The following CDK14 variants were observed in gnomAD, a reference collection of about 807,000 sequenced individuals.
CDK14 encodes cyclin dependent kinase 14.
CDK14 carries 34 observed loss-of-function variants against 60.7 expected under a neutral mutation model. The observed-to-expected ratio is 0.56, with a 90% CI of 0.43 to 0.75. The LOEUF (loss-of-function observed/expected upper bound fraction) is 0.75. CDK14 is among the 30% of genes least tolerant of loss of function. The pLI is 0.00. For missense variants in CDK14, 482 were observed against 564.1 expected (o/e 0.85, Z 1.47); for synonymous variants, 197 against 203.7 (o/e 0.97, Z 0.28).
chr7:91,075,178 AAC>A (rs1798263640), intron 11 of CDK14, among the ~76,000 whole-genome samples: 2 of 152,168 alleles, frequency 1.3e-5, no homozygotes, highest in Admixed American at 1.3e-4. Flanking sequence ...ACCAGGTGGA[AAC>A]ACACACAAAA....
intron 8 of CDK14, among the ~76,000 whole-genome samples, chr7:90,932,570 A>G (rs745990304): frequency 2.8e-4 from 42 of 152,198 alleles, no homozygotes; most frequent in Non-Finnish European, 5.9e-5. Flanking sequence ...CAGATTTACT[A>G]GATTAAGAAC....
chr7:91,117,653 C>A (rs1799649095), intron 13 of CDK14, among the ~76,000 whole-genome samples: 1 of 152,124 alleles, frequency 6.6e-6, no homozygotes, highest in East Asian at 1.9e-4. Context: ...CTGTCTCCCC[C>A]AAATGGACTC....
chr7:91,093,315 A>G (rs1798885878), intron 12 of CDK14, among the ~76,000 whole-genome samples: 1 of 152,218 alleles, frequency 6.6e-6, no homozygotes, highest in Admixed American at 6.6e-5. Context: ...CCTACTAGGC[A>G]GGAGGAAATC....
At chr7:90,810,914 G>A (rs564044683) in intron 5 of CDK14, among the ~76,000 whole-genome samples, 72 of 152,106 alleles carry the variant, frequency 4.7e-4, no homozygotes, top group Middle Eastern at 3.4e-3. Context: ...TACAAGGGAC[G>A]TGAAGGACCT....
intron 7 of CDK14, among the ~76,000 whole-genome samples, chr7:90,904,638 A>G (rs1426256109): frequency 6.6e-6 from 1 of 152,186 alleles, no homozygotes; most frequent in Non-Finnish European, 1.5e-5. Context: ...CCACATCTGA[A>G]TAACTGAGGA....
At chr7:90,838,879 C>T (rs1790200559) in intron 5 of CDK14, among the ~76,000 whole-genome samples, 1 of 152,138 alleles carries the variant, frequency 6.6e-6, no homozygotes, top group Non-Finnish European at 1.5e-5. Flanking sequence ...TTGCTCTGCC[C>T]TTTGCCTTGG....
rs148560705 is a variant in CDK14 at position 90,716,976 on chromosome 7, C to T, written c.124-9591C>T. Among the ~76,000 whole-genome samples, 730 of 152,124 alleles carry T rather than the reference C, an allele frequency of 4.8e-3. 3 individuals carry two copies. Among genetic ancestry groups the T allele is most frequent in the African/African-American group, 0.016 (657 of 41,528 alleles). On this transcript the variant is annotated intron_variant, in intron 2 of 14. Coordinates refer to ENST00000380050, the MANE Select transcript of CDK14 (RefSeq NM_001287135.2). ...GTGGGTCTGAGATCCCAGTGATTCC[C>T]GTGCTGCCAGTCTGCAAGCAGCAAG... is the stretch of plus-strand genomic sequence containing the variant.
At chr7:91,192,213 T>C (rs1802384097) in intron 14 of CDK14, among the ~76,000 whole-genome samples, 1 of 152,184 alleles carries the variant, frequency 6.6e-6, no homozygotes. Context: ...CTCCAGGCCA[T>C]GTCCTGCTAT....
At chr7:91,017,363 G>A (rs1488545077) in intron 10 of CDK14, among the ~76,000 whole-genome samples, 1 of 152,176 alleles carries the variant, frequency 6.6e-6, no homozygotes, top group East Asian at 1.9e-4. Flanking sequence ...GTTTCTTACA[G>A]GGCTCAGGAC....
intron 14 of CDK14, among the ~76,000 whole-genome samples, chr7:91,123,957 C>G (rs528728451): frequency 6.6e-6 from 1 of 152,154 alleles, no homozygotes; most frequent in East Asian, 1.9e-4. Flanking sequence ...GGGTCTCGCT[C>G]TGTTGCTCAG....
intron 11 of CDK14, among the ~76,000 whole-genome samples, chr7:91,058,753 C>T (rs1797672022): frequency 6.6e-6 from 1 of 152,194 alleles, no homozygotes; most frequent in Admixed American, 6.5e-5. Flanking sequence ...AGGGATGAAG[C>T]CCACTTGATC....
intron 12 of CDK14, among the ~76,000 whole-genome samples, chr7:91,098,282 T>G (rs187171281): frequency 1.3e-5 from 2 of 152,334 alleles, no homozygotes; most frequent in East Asian, 3.9e-4. Flanking sequence ...TAACTGAATA[T>G]TCTCTCATTT....
At chr7:90,860,530 T>TTC in intron 5 of CDK14, among the ~76,000 whole-genome samples, 1 of 149,128 alleles carries the variant, frequency 6.7e-6, no homozygotes, top group East Asian at 1.9e-4. Context: ...CATTCCTTTT[T>TTC]TTTTTTTTTT....
intron 5 of CDK14, among the ~76,000 whole-genome samples, chr7:90,809,727 A>T (rs1365271090): frequency 3.9e-5 from 6 of 152,236 alleles, no homozygotes; most frequent in Non-Finnish European, 8.8e-5. Context: ...CGCTAGTAAG[A>T]CTAATAAAGA....
At chr7:90,639,424 T>C (rs1304892746) in intron 2 of CDK14, among the ~76,000 whole-genome samples, 1 of 152,046 alleles carries the variant, frequency 6.6e-6, no homozygotes, top group East Asian at 1.9e-4. Context: ...GTATCAGCAG[T>C]GGTGTCTGCA....
chr7:90,757,242 G>C (rs113880363), intron 4 of CDK14, among the ~76,000 whole-genome samples: 2,183 of 136,154 alleles, frequency 0.016, 61 homozygotes, highest in African/African-American at 0.052. Flanking sequence ...GTGTGTGTGT[G>C]TGTGTGTGTC....
chr7:90,771,154 A>G (rs145752219), intron 4 of CDK14, among the ~76,000 whole-genome samples: 269 of 152,220 alleles, frequency 1.8e-3, no homozygotes, highest in African/African-American at 6.3e-3. Context: ...TCCTGAGTTG[A>G]CCCTAATCTT....
At chr7:90,731,883 A>G (rs1216769412) in intron 3 of CDK14, among the ~76,000 whole-genome samples, 1 of 152,186 alleles carries the variant, frequency 6.6e-6, no homozygotes, top group Non-Finnish European at 1.5e-5. Flanking sequence ...TATGTTGAAT[A>G]GGAGGGGTGA....
chr7:91,076,468 C>A (rs370207633), intron 11 of CDK14, among the ~76,000 whole-genome samples: 1 of 151,822 alleles, frequency 6.6e-6, no homozygotes, highest in Non-Finnish European at 1.5e-5. Flanking sequence ...TGAAACTGGA[C>A]CCCTTCCTTA....
Sources: allele counts gnomAD v4.1 joint callset (sites outside exome capture counted in the v4.1 genomes callset), GRCh38; gene constraint gnomAD v4.1.1; transcripts MANE v1.5; gene names NCBI Gene and HGNC (gene_info 2026-07-23, HGNC 2026-07-21).